MED18: variants seen among roughly 807,000 people sequenced by gnomAD.
MED18 encodes mediator complex subunit 18, also known as mediator of RNA polymerase II transcription subunit 18.
Under a neutral mutation model 13.9 loss-of-function variants are expected in MED18, and 10 were observed. The ratio of observed to expected loss-of-function variants is 0.72; its 90% CI spans 0.44 to 1.22. The LOEUF (loss-of-function observed/expected upper bound fraction) is 1.22. Among genes scored for constraint, MED18 ranks in the 50% most tolerant of loss-of-function variants. MED18 has a pLI of 0.00. For synonymous variants in MED18, 88 were observed against 93.2 expected (o/e 0.94, Z 0.32); for missense variants, 216 against 279.0 (o/e 0.77, Z 1.61).
intron 1 of MED18, chr1:28,330,343 G>A (rs558695421): frequency 4.6e-6 from 1 of 217,388 alleles, no homozygotes; most frequent in African/African-American, 2.4e-5. Flanking sequence ...CAGGGTGAGG[G>A]GTTATAGATA....
At chr1:28,331,848 A>G (rs1020874118) in intron 2 of MED18, among the ~76,000 whole-genome samples, 2 of 151,882 alleles carry the variant, frequency 1.3e-5, no homozygotes, top group Non-Finnish European at 2.9e-5. Flanking sequence ...GATTCAAGCG[A>G]TTCTTCTGTC....
chr1:28,332,001 C>T (rs1276233223), intron 2 of MED18, among the ~76,000 whole-genome samples: 1 of 152,184 alleles, frequency 6.6e-6, no homozygotes, highest in Non-Finnish European at 1.5e-5. Flanking sequence ...CCTCAGCCTC[C>T]CAGAGAGCTG....
rs1345860466 is a variant in MED18, at chr1:28,335,711, A to G, written c.*741A>G. ...GTAGCAGGCGCTTGTAATCCCAGCT[A>G]CTTGGGAGGCTGAGGCTGGAGAATC... On this transcript the variant is annotated 3_prime_UTR_variant, in exon 3 of 3. Transcript: ENST00000373842. 6.6e-6 allele frequency: 1 copy of G among 152,094 alleles called. No individual in the cohort carries two copies. The highest frequency in any genetic ancestry group is 2.4e-5 in the African/African-American group (1 of 41,420). 9.4% of individuals were successfully genotyped at this position (152,094 alleles called of 1,614,324 possible).
chr1:28,335,064 CAG>C lies in MED18; in HGVS notation c.*97_*98del. ...TTTTTGTTTTGTTTTGTTTTTGAGA[CAG>C]AGTCTCGCTTTGTTTCCCAGGCTGG... On this transcript the variant is annotated 3_prime_UTR_variant, in exon 3 of 3. Coordinates refer to ENST00000373842, the MANE Select transcript of MED18 (RefSeq NM_017638.3). 1 of 1,220,822 alleles carries C rather than the reference CAG, an allele frequency of 8.2e-7. No individual in the cohort carries two copies. 75.6% of individuals were successfully genotyped at this position (1,220,822 alleles called of 1,614,324 possible). A position where few individuals can be genotyped will look rare whatever the true frequency, so the allele number is the denominator to read the frequency against.
chr1:28,329,346 G>T (rs1323238798), intron 1 of MED18, among the ~76,000 whole-genome samples, 166 bp downstream of exon 1: 1 of 141,752 alleles, frequency 7.1e-6, no homozygotes, highest in African/African-American at 2.7e-5. Flanking sequence ...GAGTGCAATG[G>T]CGCGATCTCG....
rs200869940 is a variant in MED18, at chr1:28,334,434, A to G, written c.91A>G (p.Ser31Gly). Residue 31 changes from serine (S) to glycine (G), a missense_variant, in exon 3 of 3, where the codon AGT (serine) becomes GGT (glycine). Transcript: ENST00000373842. ...GTTTTCAGGAAGTGTTTTAGATCACAGTTTGGAAAGCCTCATCCACCGCCT... is the reference window on the plus strand; with the variant it reads ...GTTTTCAGGAAGTGTTTTAGATCACGGTTTGGAAAGCCTCATCCACCGCCT... ...YLLQGSVLDH[S>G]LESLIHRLRG... 2 of 1,613,578 alleles carry G rather than the reference A, an allele frequency of 1.2e-6. No homozygotes were observed.
chr1:28,334,712 C>T lies in MED18; in HGVS notation c.369C>T (p.Phe123=). 6.2e-7 allele frequency: 1 copy of T among 1,614,168 alleles called. No individual in the cohort carries two copies. The highest frequency in any genetic ancestry group is 1.3e-5 in the African/African-American group (1 of 75,044). The change falls in exon 3 of 3, where the codon TTC becomes TTT. Residue 123 remains phenylalanine (F), a synonymous_variant. Transcript: ENST00000373842. ...NLTDFLMEMG[F]RMDHEFVAKG... ...CCGACTTCTTGATGGAAATGGGCTT[C>T]CGCATGGACCATGAGTTTGTTGCTA...
Position 28,335,835 on chromosome 1 carries a change from A to T in MED18, c.*865A>T, listed in dbSNP as rs1352580796. 6.6e-6 allele frequency: 1 copy of T among 152,076 alleles called. No homozygotes were observed. The highest frequency in any genetic ancestry group is 1.5e-5 in the Non-Finnish European group (1 of 67,994). 9.4% of individuals were successfully genotyped at this position (152,076 alleles called of 1,614,324 possible). A position where few individuals can be genotyped will look rare whatever the true frequency, so the allele number is the denominator to read the frequency against. Reference sequence around the variant, plus strand: ...GAAACTCCGTCTCAAAAAAAAATAAAAATGAAGAGGGGAAACCAGAATAAA... The same window carrying T: ...GAAACTCCGTCTCAAAAAAAAATAATAATGAAGAGGGGAAACCAGAATAAA... On this transcript the variant is annotated 3_prime_UTR_variant, in exon 3 of 3. Coordinates refer to ENST00000373842, the MANE Select transcript of MED18 (RefSeq NM_017638.3).
At chr1:28,333,775 G>A (rs994802956) in intron 2 of MED18, among the ~76,000 whole-genome samples, 5 of 152,140 alleles carry the variant, frequency 3.3e-5, no homozygotes, top group Non-Finnish European at 5.9e-5. Flanking sequence ...CAGGAGAATC[G>A]CTTGAACCCA....
chr1:28,329,434 C>T lies in MED18; in HGVS notation c.-67+254C>T, dbSNP rs1228699868. 7.2e-5 allele frequency among the ~76,000 whole-genome samples: 11 copies of T among 151,986 alleles called. No individual in the cohort carries two copies. The East Asian group carries it at 1.2e-3, about 16-fold the overall frequency. On this transcript the variant is annotated intron_variant, in intron 1 of 2. Transcript: ENST00000373842. ...CTGAGGAGCTGGGATTACAGGCGCT[C>T]GCCACCAGGCCTGGCTAATTTTTTG...
In MED18 at chr1:28,334,588, C is replaced by A. The variant is rs1237247270; in HGVS notation, c.245C>A (p.Pro82His). Residue 82 changes from proline to histidine, a missense_variant, in exon 3 of 3, where the codon CCC becomes CAC. Coordinates refer to ENST00000373842, the MANE Select transcript of MED18 (RefSeq NM_017638.3). ...ARRSMDRAGAPWHLRYLGQPE... is the reference protein window; with the variant it reads ...ARRSMDRAGAHWHLRYLGQPE... ...CGCTCTATGGACAGGGCAGGGGCAC[C>A]CTGGCATCTGCGCTACCTGGGACAG... The A allele has an allele frequency of 6.2e-7, 1 of 1,614,048 alleles. No individual in the cohort carries two copies. Among genetic ancestry groups the A allele is most frequent in the African/African-American group, 1.3e-5 (1 of 74,904 alleles).
At chr1:28,330,865 T>A in intron 2 of MED18, 130 bp downstream of exon 2, 1 of 631,816 alleles carries the variant, frequency 1.6e-6, no homozygotes, top group Non-Finnish European at 2.6e-6. Flanking sequence ...ACTGTTACTT[T>A]AAATTATAGT....
rs1455130018 is a variant in MED18, at chr1:28,334,543, C to G, written c.200C>G (p.Pro67Arg). Residue 67 changes from proline (P) to arginine (R), a missense_variant, in exon 3 of 3, where the codon CCA becomes CGA. Coordinates refer to ENST00000373842, the MANE Select transcript of MED18 (RefSeq NM_017638.3). ...CTCCTTAAGGGCCAGCAAGCCAGCC[C>G]ATTTGTTCTCAGGGCCCGACGCTCT... ...VFLLKGQQAS[P>R]FVLRARRSMD... The G allele has an allele frequency of 6.2e-7, 1 of 1,614,156 alleles. No homozygotes were observed. The highest frequency in any genetic ancestry group is 2.2e-5 in the East Asian group (1 of 44,884).
chr1:28,332,934 T>G (rs1362821407), intron 2 of MED18, among the ~76,000 whole-genome samples: 1 of 152,212 alleles, frequency 6.6e-6, no homozygotes, highest in Non-Finnish European at 1.5e-5. Flanking sequence ...GAGTGAGAAG[T>G]GATTGCATTC....
At chr1:28,330,331 C>T in intron 1 of MED18, 1 of 190,694 alleles carries the variant, frequency 5.2e-6, no homozygotes. Context: ...GACATTGAGT[C>T]CCAGGGTGAG....
At chr1:28,332,151 G>A (rs925140534) in intron 2 of MED18, among the ~76,000 whole-genome samples, 4 of 152,294 alleles carry the variant, frequency 2.6e-5, no homozygotes, top group African/African-American at 7.2e-5. Context: ...ACAGGCTTAT[G>A]CCTGTAATTC....
rs1354986936 is a variant in MED18 at position 28,335,136 on chromosome 1, G to A, written c.*166G>A. The A allele has an allele frequency of 1.6e-6, 1 of 629,444 alleles. No individual in the cohort carries two copies. Among genetic ancestry groups the A allele is most frequent in the Non-Finnish European group, 2.7e-6 (1 of 372,178 alleles). 39.0% of individuals were successfully genotyped at this position (629,444 alleles called of 1,614,324 possible). ...GGCTCACTGCAACCTCTGCCTCCTGGGTTCAAGCAATTCTCCCACCTCAGC... is the reference window on the plus strand; with the variant it reads ...GGCTCACTGCAACCTCTGCCTCCTGAGTTCAAGCAATTCTCCCACCTCAGC... On this transcript the variant is annotated 3_prime_UTR_variant, in exon 3 of 3. Coordinates refer to ENST00000373842, the MANE Select transcript of MED18 (RefSeq NM_017638.3).
chr1:28,333,103 TG>T (rs2149054829), intron 2 of MED18, among the ~76,000 whole-genome samples: 1 of 152,276 alleles, frequency 6.6e-6, no homozygotes, highest in South Asian at 2.1e-4. Flanking sequence ...AATAAGATTT[TG>T]GAGGAAAAAA....
At chr1:28,330,794 A>C in intron 2 of MED18, 59 bp downstream of exon 2, 1 of 1,352,872 alleles carries the variant, frequency 7.4e-7, no homozygotes, top group Non-Finnish European at 1.0e-6. Context: ...AGCTTCCCTT[A>C]AGATGAGAGA....
Sources: gnomAD v4.1 joint callset for allele counts (sites outside exome capture counted in the v4.1 genomes callset) on GRCh38, gnomAD v4.1.1 for gene constraint, MANE v1.5 for transcripts, NCBI Gene and HGNC (gene_info 2026-07-23, HGNC 2026-07-21) for gene names.